Variants in SDK1 observed in about 807,000 individuals in gnomAD.
SDK1 encodes protein sidekick-1.
Under a neutral mutation model 245.5 loss-of-function variants are expected in SDK1, and 157 were observed. The ratio of observed to expected loss-of-function variants is 0.64; its 90% confidence interval spans 0.56 to 0.73. The LOEUF (loss-of-function observed/expected upper bound fraction) is 0.73. Among genes scored for constraint, SDK1 ranks in the 30% least tolerant of loss-of-function variants. SDK1 has a pLI of 0.00. For missense variants in SDK1, 3,583 were observed against 3,002.3 expected (o/e 1.19, Z -4.52); for synonymous variants, 1,647 against 1,278.5 (o/e 1.29, Z -6.15).
At chr7:3,611,586 G>C (rs1426101295) in intron 1 of SDK1, among the ~76,000 whole-genome samples, 3 of 152,212 alleles carry the variant, frequency 2.0e-5, no homozygotes, top group African/African-American at 7.2e-5. Context: ...CTAGATGAAA[G>C]GGTAGTTCTA....
intron 38 of SDK1, among the ~76,000 whole-genome samples, chr7:4,212,508 G>A (rs1784560687): frequency 6.6e-6 from 1 of 152,180 alleles, no homozygotes; most frequent in Non-Finnish European, 1.5e-5. Context: ...CAGCAGAGAG[G>A]GCATGGGAGG....
chr7:3,529,220 A>T (rs1375099716), intron 1 of SDK1, among the ~76,000 whole-genome samples: 1 of 152,184 alleles, frequency 6.6e-6, no homozygotes, highest in Non-Finnish European at 1.5e-5. Flanking sequence ...ACACACTCAT[A>T]TACACACCCA....
intron 4 of SDK1, among the ~76,000 whole-genome samples, chr7:3,804,372 C>T (rs1026458715): frequency 6.6e-6 from 1 of 152,060 alleles, no homozygotes; most frequent in South Asian, 2.1e-4. Flanking sequence ...TTGGTTTTTG[C>T]CCTTTGTAAA....
At chr7:3,979,487 T>G (rs1441769300) in intron 13 of SDK1, among the ~76,000 whole-genome samples, 1 of 152,128 alleles carries the variant, frequency 6.6e-6, no homozygotes, top group African/African-American at 2.4e-5. Context: ...CAGTGCCAGG[T>G]ATACAGTAGG....
intron 21 of SDK1, among the ~76,000 whole-genome samples, chr7:4,077,495 C>G (rs1780768584): frequency 1.3e-5 from 2 of 152,184 alleles, no homozygotes; most frequent in Non-Finnish European, 2.9e-5. Flanking sequence ...GCCATGAATA[C>G]TTTCAAAACA....
rs182587208 is a variant in SDK1 at position 4,222,837 on chromosome 7, C to G, written c.5827+1473C>G. ...GCCTGTGAAAGCCCATGGCCCCTCA[C>G]ACAGCCAGCTGGCCCTTTGCTAATG... On this transcript the variant is annotated intron_variant, in intron 40 of 44. Coordinates refer to ENST00000404826, the MANE Select transcript of SDK1 (RefSeq NM_152744.4). Among the ~76,000 whole-genome samples the G allele has an allele frequency of 3.9e-5, 6 of 152,272 alleles. No individual in the cohort carries two copies. The East Asian group carries it at 1.2e-3, about 29-fold the overall frequency.
Position 4,266,962 on chromosome 7 carries a change from C to G in SDK1, c.*1578C>G. The G allele has an allele frequency of 1.0e-6, 1 of 985,520 alleles. No individual in the cohort carries two copies. 61.0% of individuals were successfully genotyped at this position (985,520 alleles called of 1,614,324 possible). A position where few individuals can be genotyped will look rare whatever the true frequency, so the allele number is the denominator to read the frequency against. ...TATCTGACCAGTGCCACCCAGGAGCCAGTCTCCTGGCCACATGCAGAAAGT... is the reference window on the plus strand; with the variant it reads ...TATCTGACCAGTGCCACCCAGGAGCGAGTCTCCTGGCCACATGCAGAAAGT... On this transcript the variant is annotated 3_prime_UTR_variant, in exon 45 of 45. Transcript: ENST00000404826.
intron 4 of SDK1, among the ~76,000 whole-genome samples, chr7:3,658,251 G>A (rs1453783658): frequency 6.6e-6 from 1 of 152,184 alleles, no homozygotes; most frequent in Non-Finnish European, 1.5e-5. Context: ...CCCATTCTTT[G>A]CTGTAATGAG....
chr7:3,849,986 A>G (rs759392858), intron 5 of SDK1, among the ~76,000 whole-genome samples: 11 of 152,228 alleles, frequency 7.2e-5, no homozygotes, highest in Non-Finnish European at 1.5e-4. Context: ...GAAATGACCA[A>G]TCATTCACAA....
At chr7:3,854,514 T>C (rs1780493297) in intron 5 of SDK1, among the ~76,000 whole-genome samples, 2 of 152,188 alleles carry the variant, frequency 1.3e-5, no homozygotes, top group East Asian at 1.9e-4. Context: ...ATCTGATTAG[T>C]ATAGGGTCAC....
rs1274081258 is a variant in SDK1, at chr7:3,998,568, C to T, written c.2131+11246C>T. 4.6e-5 allele frequency among the ~76,000 whole-genome samples: 7 copies of T among 152,112 alleles called. No homozygotes were observed. The East Asian group carries it at 1.4e-3, about 29-fold the overall frequency. On this transcript the variant is annotated intron_variant, in intron 14 of 44. Transcript: ENST00000404826. ...CAGCTTTTGGGAATTCATGCATTCCCAAGGCCCTGCCCCCTGGACAGGTTT... is the reference window on the plus strand; with the variant it reads ...CAGCTTTTGGGAATTCATGCATTCCTAAGGCCCTGCCCCCTGGACAGGTTT...
Position 4,011,085 on chromosome 7 carries a change from A to G in SDK1, c.2251A>G (p.Arg751Gly), listed in dbSNP as rs767700824. 2 of 1,614,042 alleles carry G rather than the reference A, an allele frequency of 1.2e-6. No individual in the cohort carries two copies. The highest frequency in any genetic ancestry group is 1.1e-5 in the South Asian group (1 of 91,062). ...GGTGTGCGCGGTGAATGAAGTGGGC[A>G]GGGGCCAGTACAGCGCCGAGACAAG... ...FRVCAVNEVG[R>G]GQYSAETSRL... The change falls in exon 15 of 45, where the codon AGG becomes GGG. Residue 751 changes from arginine (R) to glycine (G), a missense_variant. Coordinates refer to ENST00000404826, the MANE Select transcript of SDK1 (RefSeq NM_152744.4).
At chr7:3,730,586 C>G (rs951857925) in intron 4 of SDK1, among the ~76,000 whole-genome samples, 1 of 152,084 alleles carries the variant, frequency 6.6e-6, no homozygotes, top group African/African-American at 2.4e-5. Context: ...GGCAGCAGGA[C>G]TGAGAGGATG....
chr7:3,825,766 T>C (rs1223768257), intron 5 of SDK1, among the ~76,000 whole-genome samples: 1 of 152,206 alleles, frequency 6.6e-6, no homozygotes, highest in Non-Finnish European at 1.5e-5. Flanking sequence ...AACATGGCTT[T>C]TGTGTGCCCA....
At chr7:3,921,129 C>T (rs1277979261) in intron 5 of SDK1, among the ~76,000 whole-genome samples, 2 of 152,120 alleles carry the variant, frequency 1.3e-5, no homozygotes, top group African/African-American at 4.8e-5. Flanking sequence ...ACAGAAAGGA[C>T]ATATATGTAA....
At chr7:4,200,627 C>T (rs1783831496) in intron 35 of SDK1, among the ~76,000 whole-genome samples, 1 of 152,206 alleles carries the variant, frequency 6.6e-6, no homozygotes, top group Non-Finnish European at 1.5e-5. Flanking sequence ...CATGAAGGGC[C>T]TCTCCATGGG....
At chr7:4,032,059 A>AGATC (rs1371424235) in intron 17 of SDK1, among the ~76,000 whole-genome samples, 1 of 151,734 alleles carries the variant, frequency 6.6e-6, no homozygotes, top group African/African-American at 2.4e-5. Flanking sequence ...ATAGATAGAT[A>AGATC]GATCGATCGA....
intron 5 of SDK1, among the ~76,000 whole-genome samples, chr7:3,925,437 A>G (rs951319983): frequency 1.3e-5 from 2 of 152,220 alleles, no homozygotes; most frequent in African/African-American, 4.8e-5. Context: ...TGTTAGGGCA[A>G]AAGCGACGGC....
intron 1 of SDK1, among the ~76,000 whole-genome samples, chr7:3,556,664 T>C (rs1418368078): frequency 3.3e-5 from 5 of 151,910 alleles, no homozygotes; most frequent in Non-Finnish European, 7.4e-5. Context: ...CTACTAAAAA[T>C]ACAAAAATTA....
Sources: allele counts gnomAD v4.1 joint callset (sites outside exome capture counted in the v4.1 genomes callset), GRCh38; gene constraint gnomAD v4.1.1; transcripts MANE v1.5; gene names NCBI Gene and HGNC (gene_info 2026-07-23, HGNC 2026-07-21).